Variants in KIF15 observed in about 807,000 individuals in gnomAD.
The protein encoded by KIF15 is kinesin-like protein KIF15.
A neutral mutation model predicts 190.6 loss-of-function variants in KIF15; 140 were observed. That is an observed-to-expected ratio of 0.73 (90% CI 0.64 to 0.84). The LOEUF (loss-of-function observed/expected upper bound fraction) is 0.84, where lower values mean the gene tolerates loss of function less well. Among genes scored for constraint, KIF15 ranks in the 40% least tolerant of loss-of-function variants. The pLI is 0.00. For synonymous variants in KIF15, 528 were observed against 551.3 expected, an observed-to-expected ratio of 0.96 and a Z score of 0.59; for missense variants, 1,372 against 1,584.4, an observed-to-expected ratio of 0.87 and a Z score of 2.28.
chr3:44,794,014 A>G (rs941252797), intron 7 of KIF15, among the ~76,000 whole-genome samples: 3 of 151,636 alleles, frequency 2.0e-5, no homozygotes, highest in African/African-American at 7.3e-5. Context: ...CCGAGTAGCT[A>G]GGACTACAGG....
At chr3:44,767,209 C>T (rs1474056824) in intron 1 of KIF15, among the ~76,000 whole-genome samples, 1 of 152,052 alleles carries the variant, frequency 6.6e-6, no homozygotes, top group Non-Finnish European at 1.5e-5. Flanking sequence ...TCTTTTTTAA[C>T]AGAATTATTC....
intron 1 of KIF15, among the ~76,000 whole-genome samples, chr3:44,767,427 G>A (rs1418814414): frequency 2.6e-5 from 4 of 152,172 alleles, no homozygotes; most frequent in Admixed American, 2.6e-4. Context: ...ACAGGGTCAG[G>A]GATGACTATA....
chr3:44,778,026 A>G, intron 3 of KIF15, 89 bp from the exon 4 acceptor site: 1 of 1,003,182 alleles, frequency 1.0e-6, no homozygotes, highest in South Asian at 1.3e-5. Flanking sequence ...GTTATTACTA[A>G]GCAATTTTTG....
chr3:44,787,788 T>A (rs1706482841), intron 7 of KIF15, among the ~76,000 whole-genome samples: 1 of 152,232 alleles, frequency 6.6e-6, no homozygotes, highest in Admixed American at 6.5e-5. Context: ...TTGTTAACTT[T>A]ATTCCAGTAT....
rs180725130 is a variant in KIF15 at position 44,833,617 on chromosome 3, T to C, written c.3171+2599T>C. 4.3e-5 allele frequency among the ~76,000 whole-genome samples: 6 copies of C among 138,950 alleles called. No homozygotes were observed. The East Asian group carries it at 9.7e-4, about 22-fold the overall frequency. 91.2% of individuals were successfully genotyped at this position (138,950 alleles called of 152,430 possible). A position where few individuals can be genotyped will look rare whatever the true frequency, so the allele number is the denominator to read the frequency against. ...GGAGCTCAGGCAGTAATGCGAGCGA[T>C]GGGGAATGGCTGTAAATACAGATGA... On this transcript the variant is annotated intron_variant, in intron 26 of 34. Coordinates refer to ENST00000326047, the MANE Select transcript of KIF15 (RefSeq NM_020242.3).
At chr3:44,799,529 C>A (rs1481692197) in intron 10 of KIF15, among the ~76,000 whole-genome samples, 1 of 150,278 alleles carries the variant, frequency 6.7e-6, no homozygotes, top group Non-Finnish European at 1.5e-5. Flanking sequence ...CTTTGTGGAC[C>A]TTTTTAAAGC....
At chr3:44,805,241 A>T in intron 15 of KIF15, 73 bp downstream of exon 15, 1 of 1,398,190 alleles carries the variant, frequency 7.2e-7, no homozygotes, top group Non-Finnish European at 9.8e-7. Flanking sequence ...TAATATCGAT[A>T]ATTCAATTGG....
chr3:44,846,124 G>A lies in KIF15; in HGVS notation c.3696-1861G>A, dbSNP rs1698837853. On this transcript the variant is annotated intron_variant, in intron 30 of 34. Coordinates refer to ENST00000326047, the MANE Select transcript of KIF15 (RefSeq NM_020242.3). ...CAGTAGCAGCAGTAGTTATGGCAGT[G>A]GCAGAAGGTTTTAATTAATGCCAGG... Among the ~76,000 whole-genome samples the A allele has an allele frequency of 2.0e-5, 3 of 152,208 alleles. No homozygotes were observed. In the South Asian group the frequency reaches 6.2e-4, roughly 32 times the overall value.
At chr3:44,866,456 A>G (rs746306010) in intron 6 of KIF15, among the ~76,000 whole-genome samples, 3 of 152,252 alleles carry the variant, frequency 2.0e-5, no homozygotes, top group Admixed American at 2.0e-4. Flanking sequence ...CTTTCCCAGC[A>G]CAGAGCCTGA....
At position 44,838,802 on chromosome 3, in the gene KIF15, A is replaced by G. The variant is rs117810693; in HGVS notation, c.3318+381A>G. On this transcript the variant is annotated intron_variant, in intron 27 of 34. Transcript: ENST00000326047. ...GGAGGAATCCACAGTTGAGGTTGTC[A>G]TGACATTCCTGCATTGGCCAACTTC... Among the ~76,000 whole-genome samples, 129 of 151,194 alleles carry G rather than the reference A, an allele frequency of 8.5e-4. 2 individuals are homozygous for G. The East Asian group carries it at 0.024, about 28-fold the overall frequency.
rs187262490 is a variant in KIF15, at chr3:44,822,698, C to G, written c.2550-3341C>G. On this transcript the variant is annotated intron_variant, in intron 20 of 34. Coordinates refer to ENST00000326047, the MANE Select transcript of KIF15 (RefSeq NM_020242.3). Reference sequence around the variant, plus strand: ...TCCCATGTTTCTTGGAGGCTTTGTTCATTTCTTTTTACTCTTTTTTCTCTA... The same window carrying G: ...TCCCATGTTTCTTGGAGGCTTTGTTGATTTCTTTTTACTCTTTTTTCTCTA... 7.8e-3 allele frequency among the ~76,000 whole-genome samples: 1,181 copies of G among 152,150 alleles called. 20 individuals carry two copies. The highest frequency in any genetic ancestry group is 0.027 in the African/African-American group (1,131 of 41,484).
intron 20 of KIF15, among the ~76,000 whole-genome samples, chr3:44,820,066 A>ATC (rs1708195649): frequency 6.6e-6 from 1 of 152,086 alleles, no homozygotes; most frequent in African/African-American, 2.4e-5. Context: ...TAGGATTGCA[A>ATC]TCGCTGGTTT....
chr3:44,800,305 C>T lies in KIF15; in HGVS notation c.1099-9C>T. On this transcript the variant is annotated splice_polypyrimidine_tract_variant and intron_variant, in intron 10 of 34. Transcript: ENST00000326047. ...TTATTTTAATGCTTTTTAAAAAATT[C>T]CTGAACAGGCAGTAGTAAATGAAGA... 1 of 1,612,784 alleles carries T rather than the reference C, an allele frequency of 6.2e-7. No individual in the cohort carries two copies. The highest frequency in any genetic ancestry group is 8.5e-7 in the Non-Finnish European group (1 of 1,179,538).
At chr3:44,805,681 T>A (rs1707462121) in intron 15 of KIF15, among the ~76,000 whole-genome samples, 164 bp from the exon 16 acceptor site, 1 of 152,232 alleles carries the variant, frequency 6.6e-6, no homozygotes, top group Non-Finnish European at 1.5e-5. Flanking sequence ...CTCTGAGCTG[T>A]AGTTTACTGA....
chr3:44,786,662 C>A, intron 7 of KIF15, 88 bp downstream of exon 7: 2 of 1,027,342 alleles, frequency 1.9e-6, no homozygotes, highest in Non-Finnish European at 2.8e-6. Context: ...AATTGAGGTA[C>A]CAAAAATATG....
intron 25 of KIF15, among the ~76,000 whole-genome samples, chr3:44,830,500 G>A (rs538206809): frequency 3.9e-5 from 6 of 152,264 alleles, no homozygotes; most frequent in East Asian, 1.9e-4. Context: ...GTTCGTTTCC[G>A]CAATATTGGA....
chr3:44,867,983 C>G (rs1040993534), intron 6 of KIF15, among the ~76,000 whole-genome samples: 1 of 152,182 alleles, frequency 6.6e-6, no homozygotes, highest in African/African-American at 2.4e-5. Context: ...TTTTAACTTA[C>G]TCTTTTTAAA....
intron 3 of KIF15, 23 bp downstream of exon 3, chr3:44,775,460 C>CTTTT: frequency 3.0e-6 from 4 of 1,343,582 alleles, no homozygotes; most frequent in Non-Finnish European, 3.0e-6. Flanking sequence ...AGAAACTTAA[C>CTTTT]TTTTTTTTTT....
chr3:44,837,796 C>T (rs1022702384), intron 26 of KIF15, among the ~76,000 whole-genome samples: 27 of 152,148 alleles, frequency 1.8e-4, no homozygotes, highest in African/African-American at 2.4e-5. Context: ...AAGCTACTTC[C>T]TGAAACTTTG....
Sources: allele counts gnomAD v4.1 joint callset (sites outside exome capture counted in the v4.1 genomes callset), GRCh38; gene constraint gnomAD v4.1.1; transcripts MANE v1.5; gene names NCBI Gene and HGNC (gene_info 2026-07-23, HGNC 2026-07-21).